Variants in SLC25A6 observed in about 807,000 individuals in gnomAD.
SLC25A6 encodes solute carrier family 25 member 6.
In SLC25A6, 9 loss-of-function variants were observed where a neutral mutation model predicts 25.7. The observed-to-expected ratio is 0.35, with a 90% CI of 0.21 to 0.61. SLC25A6 has a LOEUF of 0.61. Among genes scored for constraint, SLC25A6 ranks in the 20% least tolerant of loss-of-function variants. The pLI is 0.76. For synonymous variants in SLC25A6, 223 were observed against 197.0 expected (o/e 1.13, Z -1.11); for missense variants, 404 against 440.5 (o/e 0.92, Z 0.74).
chrX:1,389,404 C>T lies in SLC25A6; in HGVS notation c.435G>A (p.Val145=). The T allele has an allele frequency of 1.9e-6, 3 of 1,613,770 alleles. No individual in the cohort carries two copies. Among genetic ancestry groups the T allele is most frequent in the Non-Finnish European group, 2.5e-6 (3 of 1,179,866 alleles). ...ACTCGCGCTCTGTGCCTGACTTTCC[C>T]ACGTCCGCTGCCAGGCGGGTTCTGG... The part of the protein sequence containing the change: ...DFARTRLAAD[V]GKSGTEREFR... Residue 145 remains valine, a synonymous_variant, in exon 2 of 4, where the codon GTG becomes GTA. Transcript: ENST00000381401.
chrX:1,389,556 A>G lies in SLC25A6; in HGVS notation c.283T>C (p.Tyr95His). The G allele has an allele frequency of 6.2e-7, 1 of 1,614,178 alleles. No homozygotes were observed. Among genetic ancestry groups the G allele is most frequent in the East Asian group, 2.2e-5 (1 of 44,868 alleles). The change falls in exon 2 of 4, where the codon TAC becomes CAC. Residue 95 changes from tyrosine to histidine, a missense_variant. Tyr to His is a moderately conservative substitution (Grantham distance 83). Transcript: ENST00000381401. ...QALNFAFKDK[Y>H]KQIFLGGVDK... ...ACGCCCCCCAGGAAGATCTGCTTGT[A>G]CTTATCCTTGAAGGCGAAGTTGAGG...
In SLC25A6 at chrX:1,386,292, T is replaced by C. The variant is rs1391668639; in HGVS notation, c.*310A>G. On this transcript the variant is annotated 3_prime_UTR_variant, in exon 4 of 4. Transcript: ENST00000381401. Reference sequence around the variant, plus strand: ...GATTCTTTTGTTTTAAATAAATACTTAGAACACGACTTGGCTCCTACAAGC... The same window carrying C: ...GATTCTTTTGTTTTAAATAAATACTCAGAACACGACTTGGCTCCTACAAGC... 5.6e-6 allele frequency: 2 copies of C among 356,506 alleles called. No homozygotes were observed. Among genetic ancestry groups the C allele is most frequent in the African/African-American group, 2.1e-5 (1 of 47,794 alleles). 22.1% of individuals were successfully genotyped at this position (356,506 alleles called of 1,614,324 possible). A position where few individuals can be genotyped will look rare whatever the true frequency, so the allele number is the denominator to read the frequency against.
At chrX:1,391,618 C>T (rs1474539776) in intron 1 of SLC25A6, among the ~76,000 whole-genome samples, 3 of 152,256 alleles carry the variant, frequency 2.0e-5, no homozygotes, top group African/African-American at 2.4e-5. Context: ...CCGCCAGCCG[C>T]AGGGTCCGTC....
intron 2 of SLC25A6, among the ~76,000 whole-genome samples, chrX:1,389,029 C>T (rs1281234918): frequency 1.3e-5 from 2 of 151,428 alleles, no homozygotes; most frequent in African/African-American, 2.4e-5. Context: ...TAAGACATCC[C>T]ATAAGAAGAG....
Position 1,392,104 on chromosome X carries a change from G to A in SLC25A6, c.-95C>T. 1 of 891,042 alleles carries A rather than the reference G, an allele frequency of 1.1e-6. No individual in the cohort carries two copies. 55.2% of individuals were successfully genotyped at this position (891,042 alleles called of 1,614,324 possible). On this transcript the variant is annotated 5_prime_UTR_variant, in exon 1 of 4. Coordinates refer to ENST00000381401, the MANE Select transcript of SLC25A6 (RefSeq NM_001636.4). ...GCTGGCTCAGCCCTGCCGCCGCCTG[G>A]ACCGAAAGGACGGAGCAGCCACCGC...
intron 2 of SLC25A6, 47 bp downstream of exon 2, chrX:1,389,194 G>T (rs1363676523): frequency 2.5e-6 from 4 of 1,586,350 alleles, no homozygotes; most frequent in Non-Finnish European, 3.4e-6. Context: ...GGGAACGTCT[G>T]TGTGTTGAGC....
intron 2 of SLC25A6, 99 bp from the exon 3 acceptor site, chrX:1,387,518 C>T (rs1424432907): frequency 6.0e-6 from 9 of 1,507,282 alleles, no homozygotes; most frequent in African/African-American, 2.7e-5. Flanking sequence ...GAGGTGGTGC[C>T]GAGCTCTTCC....
intron 1 of SLC25A6, among the ~76,000 whole-genome samples, chrX:1,391,428 T>A (rs1569529267): frequency 6.6e-6 from 1 of 151,960 alleles, no homozygotes; most frequent in Admixed American, 6.6e-5. Context: ...AAGAAGGGGG[T>A]AAGAACCACC....
chrX:1,386,654 A>G lies in SLC25A6; in HGVS notation c.845T>C (p.Met282Thr). ...KGAWSNVLRGMGGAFVLVLYD... is the reference protein window; with the variant it reads ...KGAWSNVLRGTGGAFVLVLYD... ...CAGGACCAGCACGAAGGCGCCCCCC[A>G]TGCCCCGCAGGACGTTGGACCACGC... The change falls in exon 4 of 4, where the codon ATG (methionine) becomes ACG (threonine). Residue 282 changes from methionine (M) to threonine (T), a missense_variant. By Grantham distance (81) the Met-to-Thr change is moderately conservative. Coordinates refer to ENST00000381401, the MANE Select transcript of SLC25A6 (RefSeq NM_001636.4). 8 of 1,604,654 alleles carry G rather than the reference A, an allele frequency of 5.0e-6. No homozygotes were observed. The highest frequency in any genetic ancestry group is 2.7e-5 in the African/African-American group (2 of 74,372).
intron 1 of SLC25A6, 127 bp downstream of exon 1, chrX:1,391,772 G>A: frequency 2.9e-6 from 2 of 686,660 alleles, no homozygotes; most frequent in Non-Finnish European, 4.8e-6. Flanking sequence ...GCGGCGCGTG[G>A]ACAAAGCGAT....
At position 1,387,287 on chromosome X, in the gene SLC25A6, C is replaced by G. The variant is rs766894283; in HGVS notation, c.731G>C (p.Arg244Pro). 6.2e-7 allele frequency: 1 copy of G among 1,612,512 alleles called. No individual in the cohort carries two copies. Among genetic ancestry groups the G allele is most frequent in the Non-Finnish European group, 8.5e-7 (1 of 1,179,598 alleles). Residue 244 changes from arginine to proline, a missense_variant, in exon 3 of 4, where the codon CGC (arginine) becomes CCC (proline). Transcript: ENST00000381401. ...VRRRMMMQSG[R>P]KGADIMYTGT... is the part of the protein sequence containing the mutation. ...CCCGCCCCCCCGAGTACCTCCTTTG[C>G]GCCCGGACTGCATCATCATGCGCCG...
chrX:1,389,903 G>A (rs1409408396), intron 1 of SLC25A6, among the ~76,000 whole-genome samples, 176 bp from the exon 2 acceptor site: 10 of 151,894 alleles, frequency 6.6e-5, no homozygotes, highest in Admixed American at 4.6e-4. Flanking sequence ...GACTATAGGC[G>A]CCCACCACCA....
At position 1,389,659 on chromosome X, in the gene SLC25A6, G is replaced by T. The variant is rs2089375913; in HGVS notation, c.180C>A (p.Arg60=). 1.2e-6 allele frequency: 2 copies of T among 1,613,986 alleles called. No individual in the cohort carries two copies. The highest frequency in any genetic ancestry group is 2.7e-5 in the African/African-American group (2 of 74,998). Residue 60 remains arginine, a synonymous_variant, in exon 2 of 4, where the codon CGC becomes CGA. Transcript: ENST00000381401. ...QYKGIVDCIV[R]IPKEQGVLSF... is the part of the protein sequence containing the mutation. ...ACAGCACGCCCTGCTCCTTGGGGATGCGGACAATGCAGTCCACGATGCCCT... is the reference window on the plus strand; with the variant it reads ...ACAGCACGCCCTGCTCCTTGGGGATTCGGACAATGCAGTCCACGATGCCCT...
chrX:1,386,398 G>C lies in SLC25A6; in HGVS notation c.*204C>G. On this transcript the variant is annotated 3_prime_UTR_variant, in exon 4 of 4. Coordinates refer to ENST00000381401, the MANE Select transcript of SLC25A6 (RefSeq NM_001636.4). ...ACGCCACGGTTCCCTCCCACCCCGT[G>C]ATCAAGACACGGAATCGGCTGCCGA... The C allele has an allele frequency of 1.6e-6, 1 of 618,598 alleles. No individual in the cohort carries two copies. Among genetic ancestry groups the C allele is most frequent in the East Asian group, 3.4e-5 (1 of 29,664 alleles). 38.3% of individuals were successfully genotyped at this position (618,598 alleles called of 1,614,324 possible).
intron 3 of SLC25A6, 78 bp downstream of exon 3, chrX:1,387,201 T>C: frequency 6.4e-7 from 1 of 1,561,602 alleles, no homozygotes; most frequent in South Asian, 1.1e-5. Flanking sequence ...CTTTGATGGT[T>C]CCTGACCTCC....
chrX:1,386,571 G>A lies in SLC25A6; in HGVS notation c.*31C>T. ...ACGTGGTTCTCTTGGTTCCCCTGGT[G>A]TGTGTGTGTGTGTGGAGGAGGCCGC... is the stretch of plus-strand genomic sequence containing the variant. On this transcript the variant is annotated 3_prime_UTR_variant, in exon 4 of 4. Transcript: ENST00000381401. 2.0e-6 allele frequency: 3 copies of A among 1,478,422 alleles called. No individual in the cohort carries two copies. The highest frequency in any genetic ancestry group is 1.4e-5 in the South Asian group (1 of 71,590). The allele number at this position is 1,478,422 out of a possible 1,614,324, so 91.6% of individuals were successfully genotyped here.
In SLC25A6 at chrX:1,388,315, T is replaced by C. The variant is rs2089354702; in HGVS notation, c.599-896A>G. On this transcript the variant is annotated intron_variant, in intron 2 of 3. Transcript: ENST00000381401. ...CCACCCACTCTATGGTATTCTGTGA[T>C]AGCAGCCTCAAATGGACTAAGACAT... Among the ~76,000 whole-genome samples, 3 of 150,524 alleles carry C rather than the reference T, an allele frequency of 2.0e-5. No homozygotes were observed. The Admixed American group carries it at 2.0e-4, about 10-fold the overall frequency.
At position 1,389,317 on chromosome X, in the gene SLC25A6, G is replaced by A. The variant is rs200750939; in HGVS notation, c.522C>T (p.Tyr174=). Residue 174 remains tyrosine, a synonymous_variant, in exon 2 of 4, where the codon TAC becomes TAT. Coordinates refer to ENST00000381401, the MANE Select transcript of SLC25A6 (RefSeq NM_001636.4). ...ITKSDGIRGL[Y]QGFSVSVQGI... is the part of the protein sequence containing the mutation. ...CCTGCACGGAGACACTGAAGCCCTGGTACAGGCCCCGGATGCCGTCGGACT... is the reference window on the plus strand; with the variant it reads ...CCTGCACGGAGACACTGAAGCCCTGATACAGGCCCCGGATGCCGTCGGACT... 95 of 1,613,796 alleles carry A rather than the reference G, an allele frequency of 5.9e-5. 1 individual carries two copies. Among genetic ancestry groups the A allele is most frequent in the Middle Eastern group, 3.3e-4 (2 of 6,054 alleles).
rs750912658 is a variant in SLC25A6 at position 1,386,768 on chromosome X, A to G, written c.740-9T>C. 1.2e-6 allele frequency: 2 copies of G among 1,600,240 alleles called. No homozygotes were observed. On this transcript the variant is annotated splice_polypyrimidine_tract_variant and intron_variant, in intron 3 of 3. Coordinates refer to ENST00000381401, the MANE Select transcript of SLC25A6 (RefSeq NM_001636.4). ...CGTGTACATGATGTCAGCTGCAACG[A>G]CAGGGAGACAGTGAGGGCCTCGCCG...
Sources: gnomAD v4.1 joint callset for allele counts (sites outside exome capture counted in the v4.1 genomes callset) on GRCh38, gnomAD v4.1.1 for gene constraint, MANE v1.5 for transcripts, NCBI Gene and HGNC (gene_info 2026-07-23, HGNC 2026-07-21) for gene names.